Variants in MTHFD2L observed in about 807,000 individuals in gnomAD.
MTHFD2L encodes bifunctional methylenetetrahydrofolate dehydrogenase/cyclohydrolase 2, mitochondrial.
A neutral mutation model predicts 34.9 loss-of-function variants in MTHFD2L; 29 were observed. That is an observed-to-expected ratio of 0.83 (90% confidence interval 0.62 to 1.13). The LOEUF (loss-of-function observed/expected upper bound fraction) is 1.13. Among genes scored for constraint, MTHFD2L ranks in the 50% most tolerant of loss-of-function variants. The pLI, the probability that MTHFD2L is intolerant of heterozygous loss-of-function variation, is 0.00. For missense variants in MTHFD2L, 481 were observed against 446.5 expected (o/e 1.08, Z -0.70); for synonymous variants, 167 against 155.7 (o/e 1.07, Z -0.54).
chr4:74,175,659 C>T (rs1366756553), intron 3 of MTHFD2L, among the ~76,000 whole-genome samples: 4 of 151,898 alleles, frequency 2.6e-5, no homozygotes, highest in South Asian at 2.1e-4. Flanking sequence ...CTAAAAATGA[C>T]GATGTAAGAT....
At chr4:74,259,813 G>T (rs1744463173) in intron 6 of MTHFD2L, among the ~76,000 whole-genome samples, 1 of 152,198 alleles carries the variant, frequency 6.6e-6, no homozygotes, top group Non-Finnish European at 1.5e-5. Context: ...CTCAAAGATT[G>T]CCCTACAAGG....
rs560173387 is a variant in MTHFD2L, at chr4:74,249,732, A to T, written c.805+24338A>T. On this transcript the variant is annotated intron_variant, in intron 6 of 7. Coordinates refer to ENST00000325278, the MANE Select transcript of MTHFD2L (RefSeq NM_001144978.3). The stretch of plus-strand genomic sequence containing the variant: ...CTGTAAAGTATTTTATTTCTCCTTC[A>T]CTTATGAAGCTTAGTTTGACTGGAT... Among the ~76,000 whole-genome samples the T allele has an allele frequency of 4.9e-4, 75 of 151,618 alleles. No homozygotes were observed. The South Asian group carries it at 0.015, about 31-fold the overall frequency.
At chr4:74,212,202 G>T (rs1461445858) in intron 5 of MTHFD2L, among the ~76,000 whole-genome samples, 1 of 151,838 alleles carries the variant, frequency 6.6e-6, no homozygotes, top group African/African-American at 2.4e-5. Flanking sequence ...CTTCAGTTCT[G>T]CCCTGATCTT....
In MTHFD2L at chr4:74,194,802, A is replaced by C. The variant is rs572853435; in HGVS notation, c.452-4992A>C. 5.9e-5 allele frequency: 9 copies of C among 152,326 alleles called. No individual in the cohort carries two copies. The East Asian group carries it at 1.7e-3, about 29-fold the overall frequency. 9.4% of individuals were successfully genotyped at this position (152,326 alleles called of 1,614,324 possible). A position where few individuals can be genotyped will look rare whatever the true frequency, so the allele number is the denominator to read the frequency against. ...ATAAGGCAAACACTGAGCTGTAACC[A>C]ATCCAGTTGTTTCTGTACCTCACTT... is the stretch of plus-strand genomic sequence containing the variant. On this transcript the variant is annotated intron_variant, in intron 3 of 7. Coordinates refer to ENST00000325278, the MANE Select transcript of MTHFD2L (RefSeq NM_001144978.3).
chr4:74,208,400 T>C (rs565111104), intron 5 of MTHFD2L, among the ~76,000 whole-genome samples: 2 of 152,296 alleles, frequency 1.3e-5, no homozygotes, highest in Admixed American at 1.3e-4. Flanking sequence ...TATACATTAT[T>C]ATCAGACAAC....
intron 7 of MTHFD2L, among the ~76,000 whole-genome samples, chr4:74,282,426 GAAAAGAATAGGTGATGCCATT>G (rs1476850784): frequency 2.7e-5 from 4 of 146,438 alleles, no homozygotes; most frequent in Middle Eastern, 3.5e-3. Context: ...CAGAGAAACT[GAAAAGAATAGGTGATGCCATT>G]TTAAAAATAA....
chr4:74,118,555 T>C (rs1721695090), upstream of MTHFD2L, among the ~76,000 whole-genome samples: 1 of 152,124 alleles, frequency 6.6e-6, no homozygotes, highest in South Asian at 2.1e-4. Context: ...AATAGGGCCT[T>C]TAAAGAGGTA....
At chr4:74,289,361 G>A (rs562313406) in intron 7 of MTHFD2L, among the ~76,000 whole-genome samples, 1 of 152,248 alleles carries the variant, frequency 6.6e-6, no homozygotes, top group Non-Finnish European at 1.5e-5. Flanking sequence ...GACCTTGAGG[G>A]GGGCCTGGCT....
At chr4:74,283,181 G>A (rs541150483) in intron 7 of MTHFD2L, among the ~76,000 whole-genome samples, 1 of 152,276 alleles carries the variant, frequency 6.6e-6, no homozygotes, top group East Asian at 1.9e-4. Context: ...TGTAAGGCAA[G>A]CTTACCCAGC....
At chr4:74,153,643 T>C (rs569523020), upstream of MTHFD2L, among the ~76,000 whole-genome samples, 1 of 152,288 alleles carries the variant, frequency 6.6e-6, no homozygotes, top group South Asian at 2.1e-4. Context: ...AATAAATAAA[T>C]TAATAACTAC....
intron 6 of MTHFD2L, among the ~76,000 whole-genome samples, chr4:74,266,618 C>G (rs1745313927): frequency 6.6e-6 from 1 of 152,188 alleles, no homozygotes; most frequent in Non-Finnish European, 1.5e-5. Context: ...AGTCTAAGCT[C>G]TCACCACTTC....
chr4:74,144,827 G>A (rs1467942888), intron 1 of MTHFD2L, among the ~76,000 whole-genome samples: 2 of 152,028 alleles, frequency 1.3e-5, no homozygotes, highest in Non-Finnish European at 2.9e-5. Flanking sequence ...GAATCTGCAA[G>A]CACAGTAGCA....
upstream of MTHFD2L, chr4:74,157,587 C>T (rs1431604797): frequency 2.3e-6 from 1 of 440,430 alleles, no homozygotes; most frequent in Non-Finnish European, 4.6e-6. Context: ...GTATAGAAAT[C>T]CTAAAGTCCA....
At chr4:74,277,746 C>T (rs1341272307) in intron 6 of MTHFD2L, among the ~76,000 whole-genome samples, 1 of 151,992 alleles carries the variant, frequency 6.6e-6, no homozygotes. Context: ...TGCAGTTTAA[C>T]ATATTGAAGA....
At chr4:74,260,127 G>T (rs1744501590) in intron 6 of MTHFD2L, among the ~76,000 whole-genome samples, 1 of 152,184 alleles carries the variant, frequency 6.6e-6, no homozygotes. Flanking sequence ...CAACTCAATT[G>T]CCTGTGGAGA....
intron 1 of MTHFD2L, among the ~76,000 whole-genome samples, chr4:74,152,171 C>CT (rs1024481145): frequency 6.6e-6 from 1 of 151,608 alleles, no homozygotes; most frequent in Non-Finnish European, 1.5e-5. Flanking sequence ...CAATAGTTTT[C>CT]TTTTTTTGTA....
At chr4:74,249,514 C>G (rs1743005911) in intron 6 of MTHFD2L, among the ~76,000 whole-genome samples, 1 of 151,882 alleles carries the variant, frequency 6.6e-6, no homozygotes, top group South Asian at 2.1e-4. Context: ...GTGATTTGAT[C>G]CTGTCATTAT....
upstream of MTHFD2L, chr4:74,158,018 T>C (rs1724487408): frequency 5.6e-6 from 8 of 1,439,906 alleles, no homozygotes; most frequent in East Asian, 1.5e-4. Context: ...TGCCGGAACC[T>C]GGCTGGGAAG....
upstream of MTHFD2L, chr4:74,157,950 C>T: frequency 1.1e-6 from 1 of 904,548 alleles, no homozygotes; most frequent in Non-Finnish European, 1.7e-6. Flanking sequence ...GCGGACCCGG[C>T]ACTCTGTCAG....
Sources: gnomAD v4.1 joint callset for allele counts (sites outside exome capture counted in the v4.1 genomes callset) on GRCh38, gnomAD v4.1.1 for gene constraint, MANE v1.5 for transcripts, NCBI Gene and HGNC (gene_info 2026-07-23, HGNC 2026-07-21) for gene names.